The following CAMK1D variants were observed in gnomAD, a reference collection of about 807,000 sequenced individuals.
The protein encoded by CAMK1D is calcium/calmodulin dependent protein kinase ID, also known as calcium/calmodulin-dependent protein kinase type 1D.
CAMK1D carries 9 observed loss-of-function variants against 47.7 expected under a neutral mutation model. The observed-to-expected ratio is 0.19, with a 90% CI of 0.11 to 0.33. The LOEUF is 0.33. Among genes scored for constraint, CAMK1D ranks in the 10% least tolerant of loss-of-function variants. The pLI, the probability that CAMK1D is intolerant of heterozygous loss-of-function variation, is 1.00. For missense variants in CAMK1D, 291 were observed against 488.7 expected (o/e 0.60, Z 3.81); for synonymous variants, 184 against 184.9 (o/e 0.99, Z 0.04).
chr10:12,424,363 T>A (rs1229942474), intron 1 of CAMK1D, among the ~76,000 whole-genome samples: 1 of 152,006 alleles, frequency 6.6e-6, no homozygotes, highest in Non-Finnish European at 1.5e-5. Flanking sequence ...CCCCCACCTC[T>A]CACCTCTCCT....
intron 1 of CAMK1D, among the ~76,000 whole-genome samples, chr10:12,500,595 T>A (rs1435502984): frequency 2.0e-5 from 3 of 152,170 alleles, no homozygotes; most frequent in Admixed American, 2.0e-4. Flanking sequence ...GTAGAAAAGA[T>A]CAGATTATGA....
chr10:12,582,161 A>G (rs573933141), intron 2 of CAMK1D, among the ~76,000 whole-genome samples: 9 of 152,182 alleles, frequency 5.9e-5, no homozygotes, highest in African/African-American at 1.7e-4. Context: ...TCCCCACTTT[A>G]TGTTTTTGTT....
chr10:12,550,420 G>A (rs1341945678), intron 1 of CAMK1D, among the ~76,000 whole-genome samples: 3 of 152,156 alleles, frequency 2.0e-5, no homozygotes, highest in Admixed American at 1.3e-4. Context: ...TCAGGGTCTT[G>A]ACCCACCTAA....
At chr10:12,814,090 G>C (rs1202879704) in intron 6 of CAMK1D, 105 bp from the exon 7 acceptor site, 11 of 769,062 alleles carry the variant, frequency 1.4e-5, no homozygotes, top group Admixed American at 2.1e-5. Flanking sequence ...TGCCTTGCCA[G>C]ATTTTCTTAA....
chr10:12,571,465 A>AAG (rs1554790365), intron 2 of CAMK1D, among the ~76,000 whole-genome samples: 23 of 149,960 alleles, frequency 1.5e-4, no homozygotes, highest in Admixed American at 6.0e-4. Flanking sequence ...AAAAAAAAAA[A>AAG]AAAAAAGAAA....
rs1488059695 is a variant in CAMK1D, at chr10:12,518,506, T to TA, written c.93-34718dup. ...TTTTTTATTTTTTATTTTTTTTTTT[T>TA]ATTGATCATTCTTGGGTGTTTCTCG... On this transcript the variant is annotated intron_variant, in intron 1 of 10. Transcript: ENST00000619168. 2.3e-4 allele frequency among the ~76,000 whole-genome samples: 23 copies of TA among 100,224 alleles called. 4 individuals are homozygous for TA. Among genetic ancestry groups the TA allele is most frequent in the Non-Finnish European group, 4.8e-4 (22 of 45,654 alleles). The allele number at this position is 100,224 out of a possible 152,430, so 65.8% of individuals were successfully genotyped here. A position where few individuals can be genotyped will look rare whatever the true frequency, so the allele number is the denominator to read the frequency against.
intron 1 of CAMK1D, among the ~76,000 whole-genome samples, chr10:12,472,172 C>G (rs1483691466): frequency 1.3e-5 from 2 of 152,154 alleles, no homozygotes; most frequent in African/African-American, 4.8e-5. Context: ...TTGTAACTCT[C>G]TTTACTAAGG....
At chr10:12,490,028 G>A (rs969695530) in intron 1 of CAMK1D, among the ~76,000 whole-genome samples, 1 of 152,232 alleles carries the variant, frequency 6.6e-6, no homozygotes, top group Non-Finnish European at 1.5e-5. Flanking sequence ...GGCTCTGGAT[G>A]TGTTGGTGGC....
intron 3 of CAMK1D, among the ~76,000 whole-genome samples, chr10:12,681,352 C>T (rs1193784264): frequency 1.3e-5 from 2 of 152,254 alleles, no homozygotes; most frequent in Non-Finnish European, 2.9e-5. Context: ...AAATCCCTTC[C>T]AGCCTCCCCA....
At chr10:12,604,157 G>T (rs1838383470) in intron 2 of CAMK1D, among the ~76,000 whole-genome samples, 1 of 152,104 alleles carries the variant, frequency 6.6e-6, no homozygotes, top group African/African-American at 2.4e-5. Flanking sequence ...TGAGCCTCTG[G>T]AGGCCTGGGA....
chr10:12,703,372 C>T (rs1040745691), intron 3 of CAMK1D, among the ~76,000 whole-genome samples: 3 of 152,120 alleles, frequency 2.0e-5, no homozygotes, highest in Admixed American at 6.5e-5. Context: ...GGGTCTCACT[C>T]GCAGGGCTCG....
Position 12,691,981 on chromosome 10 carries a change from G to T in CAMK1D, c.299+25171G>T, listed in dbSNP as rs1259366941. Among the ~76,000 whole-genome samples, 6 of 152,344 alleles carry T rather than the reference G, an allele frequency of 3.9e-5. No homozygotes were observed. The East Asian group carries it at 1.2e-3, about 29-fold the overall frequency. On this transcript the variant is annotated intron_variant, in intron 3 of 10. Transcript: ENST00000619168. ...GATACTGATTCTTCTGCAGCTGTGG[G>T]ACTACCTCTGACCTTCCTGTCTAGC...
chr10:12,716,332 A>G (rs920953244), intron 3 of CAMK1D, among the ~76,000 whole-genome samples: 4 of 152,108 alleles, frequency 2.6e-5, no homozygotes, highest in African/African-American at 4.8e-5. Context: ...CCGGTCTCCA[A>G]ACATTGTCAT....
At chr10:12,734,145 T>A (rs1564523685) in intron 3 of CAMK1D, among the ~76,000 whole-genome samples, 1 of 150,532 alleles carries the variant, frequency 6.6e-6, no homozygotes, top group Non-Finnish European at 1.5e-5. Context: ...CTGGCCAACA[T>A]GGTGAAACCC....
chr10:12,621,578 T>G (rs1043932034), intron 2 of CAMK1D, among the ~76,000 whole-genome samples: 2 of 152,270 alleles, frequency 1.3e-5, no homozygotes, highest in African/African-American at 4.8e-5. Context: ...GATTTATACC[T>G]AAGCATTTTC....
chr10:12,727,737 CAT>C (rs748267452), intron 3 of CAMK1D, among the ~76,000 whole-genome samples: 3 of 150,658 alleles, frequency 2.0e-5, no homozygotes, highest in Non-Finnish European at 4.4e-5. Context: ...AAATGTTTCA[CAT>C]GTGTCAGGCT....
At chr10:12,560,987 C>T (rs1424681155) in intron 2 of CAMK1D, among the ~76,000 whole-genome samples, 2 of 151,768 alleles carry the variant, frequency 1.3e-5, no homozygotes, top group African/African-American at 2.4e-5. Flanking sequence ...GATCTCGGCT[C>T]ACTGCAAGCT....
At chr10:12,379,223 A>T (rs560353534) in intron 1 of CAMK1D, among the ~76,000 whole-genome samples, 7 of 152,234 alleles carry the variant, frequency 4.6e-5, no homozygotes, top group Admixed American at 3.3e-4. Context: ...AATGGATCTT[A>T]TAAGTAGACA....
chr10:12,390,176 A>G (rs1838673092), intron 1 of CAMK1D, among the ~76,000 whole-genome samples: 1 of 152,124 alleles, frequency 6.6e-6, no homozygotes, highest in Non-Finnish European at 1.5e-5. Flanking sequence ...CAAAATTTTC[A>G]TACTGCATTT....
Sources: allele counts gnomAD v4.1 joint callset (sites outside exome capture counted in the v4.1 genomes callset), GRCh38; gene constraint gnomAD v4.1.1; transcripts MANE v1.5; gene names NCBI Gene and HGNC (gene_info 2026-07-23, HGNC 2026-07-21).